The following TM9SF2 variants were observed in gnomAD, a reference collection of about 807,000 sequenced individuals.
TM9SF2 encodes the protein transmembrane 9 superfamily member 2, also known as 76 kDa membrane protein.
A neutral mutation model predicts 84.9 loss-of-function variants in TM9SF2; 13 were observed. The ratio of observed to expected loss-of-function variants is 0.15; its 90% CI spans 0.10 to 0.24. The LOEUF is 0.24. TM9SF2 is among the 10% of genes least tolerant of loss of function. The probability of loss-of-function intolerance (pLI) is 1.00; values close to 1 mark genes in which losing one functional copy is unlikely to be tolerated. For synonymous variants in TM9SF2, 273 were observed against 285.8 expected (o/e 0.96, Z 0.45); for missense variants, 562 against 818.5 (o/e 0.69, Z 3.82).
intron 1 of TM9SF2, among the ~76,000 whole-genome samples, chr13:99,515,679 G>T (rs1328421498): frequency 6.6e-6 from 1 of 151,590 alleles, no homozygotes. Flanking sequence ...GCACTATTTG[G>T]AGTACTTTGT....
chr13:99,525,432 G>T (rs2046178614), intron 3 of TM9SF2, among the ~76,000 whole-genome samples: 1 of 152,070 alleles, frequency 6.6e-6, no homozygotes. Context: ...AGTAGGGACA[G>T]GGCTTTGCCA....
intron 9 of TM9SF2, among the ~76,000 whole-genome samples, chr13:99,543,044 G>A (rs1197257639): frequency 6.6e-6 from 1 of 152,230 alleles, no homozygotes; most frequent in African/African-American, 2.4e-5. Context: ...CGGCTACCTT[G>A]CTGTTCCTCA....
chr13:99,539,301 G>T, intron 6 of TM9SF2, 145 bp from the exon 7 acceptor site: 1 of 606,568 alleles, frequency 1.6e-6, no homozygotes, highest in Non-Finnish European at 3.0e-6. Flanking sequence ...CACATATGAT[G>T]TAAATATTTA....
intron 1 of TM9SF2, among the ~76,000 whole-genome samples, chr13:99,514,614 C>T (rs1029059580): frequency 1.3e-5 from 2 of 152,186 alleles, no homozygotes; most frequent in Non-Finnish European, 2.9e-5. Flanking sequence ...TGACACATGG[C>T]CGTAAAGGGT....
intron 16 of TM9SF2, among the ~76,000 whole-genome samples, chr13:99,559,742 G>A (rs539224892): frequency 7.9e-5 from 12 of 152,086 alleles, no homozygotes; most frequent in Non-Finnish European, 1.6e-4. Flanking sequence ...GGCTAAACAG[G>A]GTCATAATTG....
At chr13:99,501,813 T>G (rs908399264) in intron 1 of TM9SF2, 36 bp downstream of exon 1, 1 of 1,577,872 alleles carries the variant, frequency 6.3e-7, no homozygotes, top group Non-Finnish European at 8.6e-7. Context: ...GATGCACTGT[T>G]GGAAGGGGAA....
At chr13:99,553,293 C>G (rs2046313205) in intron 13 of TM9SF2, among the ~76,000 whole-genome samples, 1 of 152,246 alleles carries the variant, frequency 6.6e-6, no homozygotes, top group Non-Finnish European at 1.5e-5. Flanking sequence ...GAAGCTGGCA[C>G]TGTTCCACAG....
chr13:99,513,591 AC>A (rs147511067), intron 1 of TM9SF2, among the ~76,000 whole-genome samples: 3,770 of 152,192 alleles, frequency 0.025, 160 homozygotes, highest in African/African-American at 0.086. Flanking sequence ...CTTGTGTTCG[AC>A]CCTCTGAGAT....
chr13:99,515,764 G>A (rs1422585447), intron 1 of TM9SF2, among the ~76,000 whole-genome samples: 9 of 133,142 alleles, frequency 6.8e-5, no homozygotes, highest in East Asian at 4.1e-4. Flanking sequence ...ACGGAGTTTC[G>A]CTCTGTTGCC....
chr13:99,536,545 G>A (rs1014673037), intron 4 of TM9SF2, 63 bp from the exon 5 acceptor site: 6 of 1,566,894 alleles, frequency 3.8e-6, no homozygotes, highest in Non-Finnish European at 5.2e-6. Flanking sequence ...ACTGATTTGG[G>A]CAGTAATTCT....
chr13:99,539,643 C>A, intron 7 of TM9SF2, 86 bp downstream of exon 7: 2 of 902,762 alleles, frequency 2.2e-6, no homozygotes, highest in Non-Finnish European at 1.8e-6. Context: ...ACTGATTATG[C>A]TTGTCAAATA....
At chr13:99,559,116 G>A (rs769232530) in intron 15 of TM9SF2, among the ~76,000 whole-genome samples, 2 of 152,198 alleles carry the variant, frequency 1.3e-5, no homozygotes, top group Admixed American at 6.5e-5. Context: ...TTCATAAACA[G>A]TTTAAGCTGC....
chr13:99,522,847 G>A (rs1254136605), intron 3 of TM9SF2, among the ~76,000 whole-genome samples: 4 of 152,192 alleles, frequency 2.6e-5, no homozygotes, highest in Non-Finnish European at 4.4e-5. Flanking sequence ...TTCTGTGCAA[G>A]GACTGTTCCT....
intron 16 of TM9SF2, among the ~76,000 whole-genome samples, chr13:99,562,381 A>C (rs1344264900): frequency 6.6e-6 from 1 of 152,240 alleles, no homozygotes; most frequent in African/African-American, 2.4e-5. Context: ...TTGTTGTAAA[A>C]TATTCTTAAA....
chr13:99,557,535 CTG>C (rs1269079713), intron 15 of TM9SF2, among the ~76,000 whole-genome samples: 6 of 152,008 alleles, frequency 3.9e-5, no homozygotes, highest in Non-Finnish European at 8.8e-5. Flanking sequence ...TCAAATGTAT[CTG>C]TTTTTTTTTC....
intron 10 of TM9SF2, among the ~76,000 whole-genome samples, chr13:99,545,543 G>A (rs2046278814): frequency 6.6e-6 from 1 of 151,914 alleles, no homozygotes; most frequent in African/African-American, 2.4e-5. Flanking sequence ...CAGAATGAAT[G>A]TTTGAAGATA....
intron 1 of TM9SF2, among the ~76,000 whole-genome samples, chr13:99,507,060 G>C (rs2046091715): frequency 6.6e-6 from 1 of 152,150 alleles, no homozygotes; most frequent in South Asian, 2.1e-4. Flanking sequence ...TAATGGTAAA[G>C]ACTACGATTT....
At chr13:99,562,381 A>G (rs1344264900) in intron 16 of TM9SF2, among the ~76,000 whole-genome samples, 1 of 152,240 alleles carries the variant, frequency 6.6e-6, no homozygotes, top group South Asian at 2.1e-4. Flanking sequence ...TTGTTGTAAA[A>G]TATTCTTAAA....
intron 3 of TM9SF2, among the ~76,000 whole-genome samples, chr13:99,526,325 G>A (rs1280003426): frequency 1.3e-5 from 2 of 152,224 alleles, no homozygotes; most frequent in African/African-American, 4.8e-5. Flanking sequence ...GATTTAACCA[G>A]GTTTGTGGTT....
Sources: allele counts gnomAD v4.1 joint callset (sites outside exome capture counted in the v4.1 genomes callset), GRCh38; gene constraint gnomAD v4.1.1; transcripts MANE v1.5; gene names NCBI Gene and HGNC (gene_info 2026-07-23, HGNC 2026-07-21).